Variants in DYSF observed in about 807,000 individuals in gnomAD.
DYSF encodes dysferlin, also known as dystrophy-associated fer-1-like 1.
DYSF carries 212 observed loss-of-function variants against 274.9 expected under a neutral mutation model. That is an observed-to-expected ratio of 0.77 (90% CI 0.69 to 0.86). The LOEUF (loss-of-function observed/expected upper bound fraction) is 0.86, where lower values mean the gene tolerates loss of function less well. Ranked by LOEUF, DYSF falls within the 40% of genes least tolerant of loss-of-function variation. The pLI is 0.00. For missense variants in DYSF, 2,666 were observed against 2,783.2 expected (o/e 0.96, Z 0.95); for synonymous variants, 1,091 against 1,078.7 (o/e 1.01, Z -0.22).
intron 32 of DYSF, among the ~76,000 whole-genome samples, chr2:71,590,803 A>G (rs2093241746): frequency 6.6e-6 from 1 of 152,050 alleles, no homozygotes; most frequent in Non-Finnish European, 1.5e-5. Context: ...TCTGTTACCC[A>G]GGCTGGAAAT....
chr2:71,527,353 G>A (rs558864534), intron 13 of DYSF, among the ~76,000 whole-genome samples: 32 of 152,236 alleles, frequency 2.1e-4, no homozygotes, highest in Middle Eastern at 3.4e-3. Context: ...TTTCTGCTTC[G>A]GCTGCTGACG....
rs143536259 is a variant in DYSF at position 71,684,615 on chromosome 2, A to G, written c.6322-1839A>G. On this transcript the variant is annotated intron_variant, in intron 55 of 55. Transcript: ENST00000410020. The stretch of plus-strand genomic sequence containing the variant: ...TGGGAGGCTCAGGCCGTGGGAGTTT[A>G]GGAAGAGAAGAGCTGCTGCAGACCC... Among the ~76,000 whole-genome samples, 22 of 152,346 alleles carry G rather than the reference A, an allele frequency of 1.4e-4. No individual in the cohort carries two copies. In the East Asian group the frequency reaches 1.7e-3, roughly 12 times the overall value.
chr2:71,585,917 T>G (rs948552715), intron 30 of DYSF, among the ~76,000 whole-genome samples: 1 of 151,694 alleles, frequency 6.6e-6, no homozygotes, highest in African/African-American at 2.4e-5. Context: ...GTGACCTTGA[T>G]GATAAGACTG....
intron 50 of DYSF, 36 bp from the exon 51 acceptor site, chr2:71,669,569 T>G (rs1317558782): frequency 6.2e-7 from 1 of 1,614,000 alleles, no homozygotes; most frequent in South Asian, 1.1e-5. Flanking sequence ...TTGGAAATCT[T>G]AATGAGAACT....
In DYSF at chr2:71,561,828, C is replaced by T; in HGVS notation, c.2293C>T (p.His765Tyr). ...DQYLYQLRTH[H>Y]LSQITEAALA... is the part of the protein sequence containing the mutation. ...GTACCTGTACCAGCTGCGCACCCAT[C>T]ACCTGAGCCAAATCACTGAGGCTGC... The change falls in exon 23 of 56, where the codon CAC becomes TAC. Residue 765 changes from histidine (H) to tyrosine (Y), a missense_variant. Physicochemically the swap from His to Tyr is moderately conservative, Grantham distance 83. Transcript: ENST00000410020. 5.6e-6 allele frequency: 9 copies of T among 1,614,198 alleles called. No individual in the cohort carries two copies. The highest frequency in any genetic ancestry group is 7.6e-6 in the Non-Finnish European group (9 of 1,180,028).
intron 3 of DYSF, among the ~76,000 whole-genome samples, chr2:71,490,817 G>A (rs1440832297): frequency 6.6e-6 from 1 of 152,028 alleles, no homozygotes. Context: ...GGTATTCCGC[G>A]GTATGTGTGC....
chr2:71,668,412 A>G (rs887513015), intron 48 of DYSF, among the ~76,000 whole-genome samples: 7 of 152,122 alleles, frequency 4.6e-5, no homozygotes, highest in Admixed American at 2.0e-4. Context: ...ATGTCCTGCC[A>G]TGGAAGCCTT....
intron 14 of DYSF, among the ~76,000 whole-genome samples, chr2:71,531,608 C>T (rs764963638): frequency 1.3e-5 from 2 of 151,826 alleles, no homozygotes; most frequent in Non-Finnish European, 2.9e-5. Context: ...AGGACACAGA[C>T]AAAATGTGTG....
At position 71,470,215 on chromosome 2, in the gene DYSF, G is replaced by A. The variant is rs79718395; in HGVS notation, c.91+3282G>A. Among the ~76,000 whole-genome samples, 1,241 of 152,124 alleles carry A rather than the reference G, an allele frequency of 8.2e-3. 12 individuals carry two copies. The highest frequency in any genetic ancestry group is 0.029 in the African/African-American group (1,183 of 41,494). On this transcript the variant is annotated intron_variant, in intron 1 of 55. Coordinates refer to ENST00000410020, the MANE Select transcript of DYSF (RefSeq NM_001130987.2). Reference sequence around the variant, plus strand: ...CACCTCTTCTCTTCTTGATCTCCTGGGGGTCTCTAGATTTGGGGCAGGAGT... The same window carrying A: ...CACCTCTTCTCTTCTTGATCTCCTGAGGGTCTCTAGATTTGGGGCAGGAGT...
intron 3 of DYSF, among the ~76,000 whole-genome samples, chr2:71,499,920 G>T (rs1191534880): frequency 1.3e-5 from 2 of 152,146 alleles, no homozygotes; most frequent in Admixed American, 1.3e-4. Context: ...CACACTCATA[G>T]CTGGCCCTGT....
At chr2:71,453,775 G>A (rs989656624) in exon 1 of DYSF, 2 of 591,224 alleles carry the variant, frequency 3.4e-6, no homozygotes, top group East Asian at 2.8e-5. Flanking sequence ...GACAAGCGGG[G>A]TGAGCGCAGC....
At chr2:71,467,170 C>G (rs1281082042) in intron 1 of DYSF, among the ~76,000 whole-genome samples, 6 of 152,218 alleles carry the variant, frequency 3.9e-5, no homozygotes, top group Non-Finnish European at 5.9e-5. Context: ...TGCCGTAGGT[C>G]AGCGGTTATC....
chr2:71,488,899 C>A (rs1489457339), intron 3 of DYSF, among the ~76,000 whole-genome samples: 1 of 152,166 alleles, frequency 6.6e-6, no homozygotes, highest in Non-Finnish European at 1.5e-5. Context: ...GTGCCTGCAA[C>A]TGGAGGGGAC....
At chr2:71,684,657 C>T (rs906138381) in intron 55 of DYSF, among the ~76,000 whole-genome samples, 5 of 152,128 alleles carry the variant, frequency 3.3e-5, no homozygotes, top group Non-Finnish European at 5.9e-5. Flanking sequence ...TTGGTGTAGT[C>T]GGAGGACTAG....
intron 7 of DYSF, among the ~76,000 whole-genome samples, chr2:71,515,026 A>T (rs962603321): frequency 2.6e-5 from 4 of 152,112 alleles, no homozygotes; most frequent in Admixed American, 6.5e-5. Flanking sequence ...TGGAGCCAGT[A>T]AATATCTTAT....
At chr2:71,626,956 AT>A (rs1312693729) in intron 41 of DYSF, among the ~76,000 whole-genome samples, 1 of 151,260 alleles carries the variant, frequency 6.6e-6, no homozygotes, top group African/African-American at 2.4e-5. Context: ...TTGGTGTAAT[AT>A]TTTTTATGAT....
intron 41 of DYSF, among the ~76,000 whole-genome samples, chr2:71,633,077 G>A (rs909936519): frequency 1.3e-5 from 2 of 152,216 alleles, no homozygotes; most frequent in African/African-American, 2.4e-5. Context: ...GGACTGCAGG[G>A]AGTGTCAACA....
At chr2:71,647,561 G>A (rs1440576500) in intron 42 of DYSF, among the ~76,000 whole-genome samples, 2 of 152,088 alleles carry the variant, frequency 1.3e-5, no homozygotes, top group African/African-American at 2.4e-5. Context: ...AGAAAAGTTG[G>A]AAACAAACAG....
intron 30 of DYSF, among the ~76,000 whole-genome samples, chr2:71,586,881 A>G (rs376475845): frequency 7.4e-4 from 113 of 152,132 alleles, no homozygotes; most frequent in Middle Eastern, 3.4e-3. Context: ...GTGTGGCCGG[A>G]CTGAGGTAGA....
Sources: allele counts gnomAD v4.1 joint callset (sites outside exome capture counted in the v4.1 genomes callset), GRCh38; gene constraint gnomAD v4.1.1; transcripts MANE v1.5; gene names NCBI Gene and HGNC (gene_info 2026-07-23, HGNC 2026-07-21).